Variants in RBFOX1 observed in about 807,000 individuals in gnomAD.
RBFOX1 encodes the protein RNA binding fox-1 homolog 1, also known as RNA binding protein fox-1 homolog 1.
RBFOX1 carries 8 observed loss-of-function variants against 57.7 expected under a neutral mutation model. The ratio of observed to expected loss-of-function variants is 0.14; its 90% confidence interval spans 0.08 to 0.25. RBFOX1 has a LOEUF of 0.25. RBFOX1 is among the 10% of genes least tolerant of loss of function. RBFOX1 has a pLI of 1.00. For synonymous variants in RBFOX1, 326 were observed against 222.4 expected (o/e 1.47, Z -4.15); for missense variants, 611 against 548.5 (o/e 1.11, Z -1.14).
intron 3 of RBFOX1, among the ~76,000 whole-genome samples, chr16:6,790,169 C>CTAGTATTATTATTAT (rs1555469951): frequency 7.1e-6 from 1 of 141,536 alleles, no homozygotes; most frequent in Admixed American, 7.2e-5. Context: ...TTATTTTATT[C>CTAGTATTATTATTAT]TATTATTATT....
At chr16:6,906,743 G>A (rs902925284) in intron 3 of RBFOX1, among the ~76,000 whole-genome samples, 33 of 140,198 alleles carry the variant, frequency 2.4e-4, no homozygotes, top group African/African-American at 8.9e-4. Flanking sequence ...TTTTTTTTGA[G>A]ACAGAGTCTT....
At chr16:7,670,747 G>A (rs1260993447) in intron 13 of RBFOX1, among the ~76,000 whole-genome samples, 3 of 152,170 alleles carry the variant, frequency 2.0e-5, no homozygotes, top group African/African-American at 7.2e-5. Context: ...ACGTCCCTCA[G>A]TCTCTTCAAG....
chr16:5,669,983 A>T lies in RBFOX1; in HGVS notation c.318+71022A>T, dbSNP rs187699662. On this transcript the variant is annotated intron_variant, in intron 3 of 19. Coordinates refer to the RBFOX1 transcript ENST00000641259. ...TAAACACATTGTGGTCTATCCATAC[A>T]GCAGAGTATTTTTTATCCATAAAAA... 1.8e-4 allele frequency among the ~76,000 whole-genome samples: 27 copies of T among 152,356 alleles called. No individual in the cohort carries two copies. In the South Asian group the frequency reaches 5.2e-3, roughly 29 times the overall value.
intron 2 of RBFOX1, among the ~76,000 whole-genome samples, chr16:5,554,152 G>A (rs1046129631): frequency 2.6e-5 from 4 of 151,846 alleles, no homozygotes; most frequent in Non-Finnish European, 5.9e-5. Flanking sequence ...TGTATTTTTA[G>A]TAGAGATGAG....
In RBFOX1 at chr16:5,557,932, C is replaced by T. The variant is rs906834638; in HGVS notation, c.259-40970C>T. Among the ~76,000 whole-genome samples, 6 of 152,132 alleles carry T rather than the reference C, an allele frequency of 3.9e-5. No individual in the cohort carries two copies. In the South Asian group the frequency reaches 8.3e-4, roughly 21 times the overall value. On this transcript the variant is annotated intron_variant, in intron 2 of 2. Transcript: ENST00000585867. The stretch of plus-strand genomic sequence containing the variant: ...AACCAGAACAATGACAGTGGAACAA[C>T]GTGGCAGAGAAAGAGAGAAGAGTAA...
At chr16:7,078,975 C>A (rs938766106) in intron 4 of RBFOX1, among the ~76,000 whole-genome samples, 7 of 140,504 alleles carry the variant, frequency 5.0e-5, no homozygotes, top group East Asian at 2.5e-4. Context: ...CCCAACAAGA[C>A]CCTATTTTCA....
chr16:5,450,408 C>T (rs2068386428), intron 1 of RBFOX1, among the ~76,000 whole-genome samples: 2 of 152,252 alleles, frequency 1.3e-5, no homozygotes, highest in East Asian at 1.9e-4. Flanking sequence ...ACATGCAGAC[C>T]ACAGGGAATT....
At position 6,375,586 on chromosome 16, in the gene RBFOX1, C is replaced by G. The variant is rs373796486; in HGVS notation, c.-64+58529C>G. Among the ~76,000 whole-genome samples, 6 of 152,196 alleles carry G rather than the reference C, an allele frequency of 3.9e-5. No individual in the cohort carries two copies. In the East Asian group the frequency reaches 1.2e-3, roughly 30 times the overall value. ...CTAGGAAAAGACCCCTGTGGATTCT[C>G]TGCCCCTTCTGTAATGTGTGGAATC... On this transcript the variant is annotated intron_variant, in intron 2 of 15. Transcript: ENST00000550418.
At chr16:6,457,816 C>A (rs1214242033) in intron 2 of RBFOX1, among the ~76,000 whole-genome samples, 1 of 152,052 alleles carries the variant, frequency 6.6e-6, no homozygotes, top group East Asian at 1.9e-4. Context: ...CTAGGTGTTA[C>A]AAATGGAGTT....
chr16:6,479,336 A>G (rs2095333160), intron 2 of RBFOX1, among the ~76,000 whole-genome samples: 1 of 152,210 alleles, frequency 6.6e-6, no homozygotes, highest in African/African-American at 2.4e-5. Context: ...TTATAAAACC[A>G]TCAGATCTCA....
chr16:6,415,387 A>T (rs957554979), intron 2 of RBFOX1, among the ~76,000 whole-genome samples: 1 of 151,750 alleles, frequency 6.6e-6, no homozygotes, highest in Non-Finnish European at 1.5e-5. Context: ...TAGGAAGAAG[A>T]TGATGCGTTT....
intron 2 of RBFOX1, among the ~76,000 whole-genome samples, chr16:5,480,217 G>A (rs868561072): frequency 5.0e-4 from 76 of 152,226 alleles, no homozygotes; most frequent in African/African-American, 1.8e-3. Flanking sequence ...CTGTAGAATC[G>A]CTAATGATGT....
At chr16:6,734,374 C>A (rs140091359) in intron 3 of RBFOX1, among the ~76,000 whole-genome samples, 7 of 152,286 alleles carry the variant, frequency 4.6e-5, no homozygotes, top group African/African-American at 1.2e-4. Flanking sequence ...AATCATTGAT[C>A]GTAACAGCTC....
At chr16:6,127,820 A>G (rs1237945309) in intron 1 of RBFOX1, among the ~76,000 whole-genome samples, 2 of 152,210 alleles carry the variant, frequency 1.3e-5, no homozygotes, top group Non-Finnish European at 2.9e-5. Flanking sequence ...TTTGGTTTGC[A>G]TTTGTAAAAC....
intron 3 of RBFOX1, among the ~76,000 whole-genome samples, chr16:6,997,325 C>T (rs1251905824): frequency 6.6e-6 from 1 of 152,126 alleles, no homozygotes; most frequent in Non-Finnish European, 1.5e-5. Context: ...ACATACTTAT[C>T]AGTATGAAGT....
At chr16:5,538,619 C>CTTTTTTTTTTTTT (rs59757856) in intron 2 of RBFOX1, among the ~76,000 whole-genome samples, 2 of 126,948 alleles carry the variant, frequency 1.6e-5, no homozygotes, top group African/African-American at 2.9e-5. Context: ...TTTATTTCTT[C>CTTTTTTTTTTTTT]TTTTTTTTTT....
chr16:6,104,899 G>T (rs1479646177), intron 1 of RBFOX1, among the ~76,000 whole-genome samples: 1 of 152,180 alleles, frequency 6.6e-6, no homozygotes, highest in Non-Finnish European at 1.5e-5. Context: ...ACCTAACGTT[G>T]ATTTTGATTG....
In RBFOX1 at chr16:5,676,192, G is replaced by A. The variant is rs148008728; in HGVS notation, c.318+77231G>A. Among the ~76,000 whole-genome samples, 5 of 152,012 alleles carry A rather than the reference G, an allele frequency of 3.3e-5. No individual in the cohort carries two copies. The East Asian group carries it at 9.7e-4, about 29-fold the overall frequency. ...TTGATAGGTGTAGCAAACCACCATG[G>A]CACATGTATACCTATGCGACAAACC... On this transcript the variant is annotated intron_variant, in intron 3 of 19. Transcript: ENST00000641259.
chr16:5,942,072 C>G (rs534299127), intron 4 of RBFOX1, among the ~76,000 whole-genome samples: 1 of 152,224 alleles, frequency 6.6e-6, no homozygotes, highest in Non-Finnish European at 1.5e-5. Context: ...TTATCCTAGA[C>G]CAGCCTGTAA....
Sources: gnomAD v4.1 joint callset for allele counts (sites outside exome capture counted in the v4.1 genomes callset) on GRCh38, gnomAD v4.1.1 for gene constraint, MANE v1.5 for transcripts, NCBI Gene and HGNC (gene_info 2026-07-23, HGNC 2026-07-21) for gene names.